NAF1: variants seen among roughly 807,000 people sequenced by gnomAD.
NAF1 encodes nuclear assembly factor 1 ribonucleoprotein.
In NAF1, 11 loss-of-function variants were observed where a neutral mutation model predicts 40.6. That is an observed-to-expected ratio of 0.27 (90% confidence interval 0.17 to 0.45). The LOEUF is 0.45. NAF1 is among the 20% of genes least tolerant of loss of function. NAF1 has a pLI of 1.00. For missense variants in NAF1, 607 were observed against 611.1 expected, an observed-to-expected ratio of 0.99 and a Z score of 0.07; for synonymous variants, 260 against 228.5, an observed-to-expected ratio of 1.14 and a Z score of -1.24.
chr4:163,147,618 T>G (rs1358563290), intron 3 of NAF1, among the ~76,000 whole-genome samples: 1 of 152,148 alleles, frequency 6.6e-6, no homozygotes, highest in African/African-American at 2.4e-5. Context: ...TCAAAGGTGG[T>G]GAGCAGAATG....
intron 3 of NAF1, among the ~76,000 whole-genome samples, 161 bp from the exon 4 acceptor site, chr4:163,146,025 C>A (rs954250515): frequency 5.3e-5 from 8 of 151,962 alleles, no homozygotes; most frequent in Non-Finnish European, 1.5e-5. Context: ...CTACTTATTA[C>A]CAAATAGCAC....
chr4:163,165,551 C>A (rs1732417705), intron 1 of NAF1, among the ~76,000 whole-genome samples: 1 of 152,168 alleles, frequency 6.6e-6, no homozygotes, highest in Non-Finnish European at 1.5e-5. Flanking sequence ...ATACCCTCTC[C>A]TTCTACTCAA....
chr4:163,127,322 G>GT (rs2110861930), downstream of NAF1, among the ~76,000 whole-genome samples: 1 of 152,102 alleles, frequency 6.6e-6, no homozygotes, highest in South Asian at 2.1e-4. Flanking sequence ...TAGAGGCAGG[G>GT]TTTCGTTATG....
chr4:163,104,358 C>A, the NAF1 span, among the ~76,000 whole-genome samples: 1 of 152,030 alleles, frequency 6.6e-6, no homozygotes, highest in African/African-American at 2.4e-5. Context: ...TCTATTAATG[C>A]CATATTTGGT....
intron 3 of NAF1, among the ~76,000 whole-genome samples, chr4:163,148,119 G>C (rs1459797905): frequency 6.6e-6 from 1 of 152,074 alleles, no homozygotes; most frequent in Non-Finnish European, 1.5e-5. Context: ...AATTCCGGAG[G>C]AAGTATGTCA....
chr4:163,122,983 T>C (rs1730558120), downstream of NAF1, among the ~76,000 whole-genome samples: 1 of 152,232 alleles, frequency 6.6e-6, no homozygotes, highest in South Asian at 2.1e-4. Flanking sequence ...AGGTTTCCCC[T>C]AGACAGTCTG....
At chr4:163,107,737 TA>T (rs1288933681), downstream of NAF1, among the ~76,000 whole-genome samples, 1 of 152,214 alleles carries the variant, frequency 6.6e-6, no homozygotes, top group African/African-American at 2.4e-5. Flanking sequence ...TAGTGTTTCT[TA>T]AGCTTTTTTG....
At chr4:163,125,377 A>G (rs1280644432), downstream of NAF1, among the ~76,000 whole-genome samples, 3 of 152,246 alleles carry the variant, frequency 2.0e-5, no homozygotes, top group African/African-American at 7.2e-5. Context: ...CTTAAAAGAA[A>G]CTAAAAGTAC....
At chr4:163,132,643 G>A (rs987132582) in intron 7 of NAF1, among the ~76,000 whole-genome samples, 1 of 152,184 alleles carries the variant, frequency 6.6e-6, no homozygotes, top group African/African-American at 2.4e-5. Context: ...ATGTTGTATA[G>A]CTTCATTGTA....
At chr4:163,145,128 C>G (rs1215286781) in intron 4 of NAF1, among the ~76,000 whole-genome samples, 1 of 152,118 alleles carries the variant, frequency 6.6e-6, no homozygotes, top group Admixed American at 6.6e-5. Context: ...ATGTTTATGT[C>G]TTCTGCCAAC....
At chr4:163,143,903 G>A (rs147485432) in intron 4 of NAF1, 3 of 393,966 alleles carry the variant, frequency 7.6e-6, no homozygotes, top group Non-Finnish European at 1.0e-5. Flanking sequence ...CAGACGAATA[G>A]AGTATTCTAA....
At chr4:163,123,530 CG>C (rs1730572392), downstream of NAF1, among the ~76,000 whole-genome samples, 1 of 152,066 alleles carries the variant, frequency 6.6e-6, no homozygotes, top group African/African-American at 2.4e-5. Context: ...TACAGGCATG[CG>C]TAACCATGCT....
chr4:163,152,867 G>A (rs985769227), intron 2 of NAF1, among the ~76,000 whole-genome samples: 5 of 152,220 alleles, frequency 3.3e-5, no homozygotes, highest in East Asian at 1.9e-4. Flanking sequence ...AGCGGGAACC[G>A]GGGCTGCGCG....
chr4:163,166,063 A>ATT (rs1412602766), intron 1 of NAF1, among the ~76,000 whole-genome samples: 1 of 152,190 alleles, frequency 6.6e-6, no homozygotes, highest in African/African-American at 2.4e-5. Flanking sequence ...GAAATAACCT[A>ATT]AGATCCTCGG....
At position 163,140,380 on chromosome 4, in the gene NAF1, A is replaced by T; in HGVS notation, c.721T>A (p.Phe241Ile). ...TGTGCAACAGGTCCAAATATCTCGA[A>T]TATCTGTAATAGAAACATAAAGGCC... is the stretch of plus-strand genomic sequence containing the variant. ...KSDRQAAGKIFEIFGPVAHPF... is the reference protein window; with the variant it reads ...KSDRQAAGKIIEIFGPVAHPF... Residue 241 changes from phenylalanine to isoleucine, a missense_variant, in exon 5 of 8, where the codon TTC becomes ATC. Around this residue, in one of 3 missense-constraint regions of NAF1, gnomAD observed 407 missense variants for 365.5 expected, o/e 1.11. Coordinates refer to ENST00000274054, the MANE Select transcript of NAF1 (RefSeq NM_138386.3). 1 of 1,599,918 alleles carries T rather than the reference A, an allele frequency of 6.3e-7. No homozygotes were observed. The highest frequency in any genetic ancestry group is 8.5e-7 in the Non-Finnish European group (1 of 1,175,344).
chr4:163,156,485 C>A (rs1731992641), intron 2 of NAF1, among the ~76,000 whole-genome samples: 2 of 151,456 alleles, frequency 1.3e-5, no homozygotes, highest in Admixed American at 1.3e-4. Context: ...ATATTAGATA[C>A]AAATTTAAAT....
downstream of NAF1, among the ~76,000 whole-genome samples, chr4:163,126,106 C>A (rs1041341916): frequency 6.6e-6 from 1 of 152,182 alleles, no homozygotes; most frequent in African/African-American, 2.4e-5. Context: ...TGGAGATGTA[C>A]AAGGAGTTGA....
In NAF1 at chr4:163,154,886, AAAAC is replaced by A. The variant is rs1368261625; in HGVS notation, c.541-6456_541-6453del. ...AGACTCCATCTCAGAAAACAAAACA[AAAAC>A]AAAAAAAAAAAAACAGAGCGAGAGA... On this transcript the variant is annotated intron_variant, in intron 2 of 7. Coordinates refer to ENST00000274054, the MANE Select transcript of NAF1 (RefSeq NM_138386.3). 4.8e-5 allele frequency among the ~76,000 whole-genome samples: 6 copies of A among 125,074 alleles called. No homozygotes were observed. In the East Asian group the frequency reaches 2.1e-3, roughly 44 times the overall value. 82.1% of individuals were successfully genotyped at this position (125,074 alleles called of 152,430 possible).
downstream of NAF1, among the ~76,000 whole-genome samples, chr4:163,122,279 G>T (rs183383589): frequency 9.1e-4 from 139 of 152,046 alleles, no homozygotes; most frequent in African/African-American, 3.1e-3. Context: ...TTACCAAATT[G>T]GCCTCAATTT....
Sources: gnomAD v4.1 joint callset for allele counts (sites outside exome capture counted in the v4.1 genomes callset) on GRCh38, gnomAD v4.1.1 for gene constraint, gnomAD v4.1.1 regional missense constraint, MANE v1.5 for transcripts, NCBI Gene and HGNC (gene_info 2026-07-23, HGNC 2026-07-21) for gene names.